Variants in FOXN3 observed in about 807,000 individuals in gnomAD.
FOXN3 encodes forkhead box N3, also known as forkhead box protein N3.
FOXN3 carries 7 observed loss-of-function variants against 38.4 expected under a neutral mutation model. That is an observed-to-expected ratio of 0.18 (90% CI 0.10 to 0.34). FOXN3 has a LOEUF of 0.34. Among genes scored for constraint, FOXN3 ranks in the 10% least tolerant of loss-of-function variants. The pLI is 1.00. For missense variants in FOXN3, 456 were observed against 613.4 expected (o/e 0.74, Z 2.71); for synonymous variants, 230 against 242.2 (o/e 0.95, Z 0.47).
At chr14:89,168,398 C>T (rs73319297) in intron 5 of FOXN3, among the ~76,000 whole-genome samples, 1 of 152,132 alleles carries the variant, frequency 6.6e-6, no homozygotes, top group African/African-American at 2.4e-5. Context: ...ACTCAAGAGG[C>T]TGAAGAGGAA....
chr14:89,532,598 A>G (rs201132733), intron 1 of FOXN3, among the ~76,000 whole-genome samples: 1 of 152,254 alleles, frequency 6.6e-6, no homozygotes, highest in Non-Finnish European at 1.5e-5. Flanking sequence ...AAAACACTGC[A>G]CAGCCACTGA....
intron 1 of FOXN3, among the ~76,000 whole-genome samples, chr14:89,588,837 C>T (rs934150157): frequency 2.0e-5 from 3 of 152,208 alleles, no homozygotes; most frequent in Admixed American, 2.0e-4. Context: ...GCCAACGCTC[C>T]TCTGAAAAAC....
intron 1 of FOXN3, among the ~76,000 whole-genome samples, chr14:89,606,151 G>A (rs1337187551): frequency 6.6e-6 from 1 of 152,062 alleles, no homozygotes; most frequent in Non-Finnish European, 1.5e-5. Context: ...TTAAAACCGA[G>A]ATGAAGTCAA....
intron 1 of FOXN3, among the ~76,000 whole-genome samples, chr14:89,510,907 C>T (rs1285959453): frequency 6.6e-6 from 1 of 152,152 alleles, no homozygotes; most frequent in Non-Finnish European, 1.5e-5. Flanking sequence ...CACACCACTG[C>T]ACTCCAGCCT....
At chr14:89,281,054 T>C (rs997306276) in intron 3 of FOXN3, 40 bp from the exon 4 acceptor site, 5 of 1,563,680 alleles carry the variant, frequency 3.2e-6, no homozygotes, top group African/African-American at 1.4e-5. Context: ...CAAGTTCATC[T>C]GCACTCACAC....
chr14:89,227,979 A>G (rs879364824), intron 4 of FOXN3, among the ~76,000 whole-genome samples: 1 of 152,138 alleles, frequency 6.6e-6, no homozygotes, highest in Non-Finnish European at 1.5e-5. Flanking sequence ...GCCTCAAGCA[A>G]TCTTCCCACC....
At chr14:89,463,156 G>T (rs1436090699) in intron 1 of FOXN3, among the ~76,000 whole-genome samples, 1 of 151,572 alleles carries the variant, frequency 6.6e-6, no homozygotes, top group Admixed American at 6.6e-5. Flanking sequence ...GGGCGTGGTG[G>T]CAGGCGCCTG....
intron 4 of FOXN3, among the ~76,000 whole-genome samples, chr14:89,236,388 A>C (rs1566935814): frequency 1.3e-5 from 2 of 152,138 alleles, no homozygotes; most frequent in Non-Finnish European, 2.9e-5. Flanking sequence ...AGAGGCAGGC[A>C]CCTGTAGTCC....
At chr14:89,452,617 GC>G (rs1262524491) in intron 1 of FOXN3, among the ~76,000 whole-genome samples, 1 of 152,146 alleles carries the variant, frequency 6.6e-6, no homozygotes, top group African/African-American at 2.4e-5. Context: ...CCCAGCCCTG[GC>G]CCATAGTAAG....
At chr14:89,175,568 G>A (rs1887499448) in intron 5 of FOXN3, among the ~76,000 whole-genome samples, 1 of 152,186 alleles carries the variant, frequency 6.6e-6, no homozygotes, top group African/African-American at 2.4e-5. Context: ...GCACACAGCT[G>A]TGTGTGAATC....
intron 1 of FOXN3, among the ~76,000 whole-genome samples, chr14:89,555,390 T>TTCCC (rs1380206248): frequency 1.3e-5 from 2 of 152,218 alleles, no homozygotes; most frequent in Non-Finnish European, 2.9e-5. Flanking sequence ...ACCTCAGCCA[T>TTCCC]TCCCTCAACA....
At chr14:89,568,700 T>G (rs1337410423) in intron 1 of FOXN3, among the ~76,000 whole-genome samples, 1 of 152,270 alleles carries the variant, frequency 6.6e-6, no homozygotes, top group Non-Finnish European at 1.5e-5. Context: ...CCCTCTGGTC[T>G]TCTTATTCCA....
At chr14:89,166,832 T>G (rs73319287) in intron 5 of FOXN3, among the ~76,000 whole-genome samples, 3,140 of 152,314 alleles carry the variant, frequency 0.021, 120 homozygotes, top group African/African-American at 0.072. Context: ...GCAATGTTAT[T>G]CACGATGGTG....
At chr14:89,505,969 G>T (rs111845067) in intron 1 of FOXN3, among the ~76,000 whole-genome samples, 57,325 of 145,628 alleles carry the variant, frequency 0.39, 12,607 homozygotes, top group Non-Finnish European at 0.51. Context: ...CAACCGCCCC[G>T]TCTGAGAAGT....
In FOXN3 at chr14:89,161,863, A is replaced by G. The variant is rs1312325927; in HGVS notation, c.*551T>C. ...TTCCAGTGGCTTTCCTGGCACCATCAGATGCCTGGTGCCACAAGCTTGGGT... is the reference window on the plus strand; with the variant it reads ...TTCCAGTGGCTTTCCTGGCACCATCGGATGCCTGGTGCCACAAGCTTGGGT... On this transcript the variant is annotated 3_prime_UTR_variant, in exon 6 of 6. Transcript: ENST00000557258. The G allele has an allele frequency of 1.3e-5, 2 of 152,242 alleles. No homozygotes were observed. The highest frequency in any genetic ancestry group is 4.8e-5 in the African/African-American group (2 of 41,406). The allele number at this position is 152,242 out of a possible 1,614,324, so 9.4% of individuals were successfully genotyped here. A position where few individuals can be genotyped will look rare whatever the true frequency, so the allele number is the denominator to read the frequency against.
At chr14:89,602,219 G>A (rs1196882981) in intron 1 of FOXN3, among the ~76,000 whole-genome samples, 1 of 150,802 alleles carries the variant, frequency 6.6e-6, no homozygotes, top group Non-Finnish European at 1.5e-5. Flanking sequence ...AGCTTGAGAG[G>A]TAGAGGTTGC....
At chr14:89,414,414 G>A (rs1891637154) in intron 1 of FOXN3, among the ~76,000 whole-genome samples, 1 of 152,156 alleles carries the variant, frequency 6.6e-6, no homozygotes, top group Non-Finnish European at 1.5e-5. Flanking sequence ...CTCTATTAGG[G>A]AATTCTAGAA....
At chr14:89,432,530 G>T (rs1396974987) in intron 1 of FOXN3, among the ~76,000 whole-genome samples, 1 of 152,136 alleles carries the variant, frequency 6.6e-6, no homozygotes, top group African/African-American at 2.4e-5. Flanking sequence ...TACAGGATAG[G>T]TGCTGTCATC....
At chr14:89,257,313 T>C (rs1370595222) in intron 4 of FOXN3, among the ~76,000 whole-genome samples, 1 of 152,226 alleles carries the variant, frequency 6.6e-6, no homozygotes, top group Non-Finnish European at 1.5e-5. Context: ...TTCCTTGTCA[T>C]AGAGGACAGA....
Sources: gnomAD v4.1 joint callset for allele counts (sites outside exome capture counted in the v4.1 genomes callset) on GRCh38, gnomAD v4.1.1 for gene constraint, MANE v1.5 for transcripts, NCBI Gene and HGNC (gene_info 2026-07-23, HGNC 2026-07-21) for gene names.